MAGI3: variants seen among roughly 807,000 people sequenced by gnomAD.
MAGI3 encodes the protein membrane-associated guanylate kinase, WW and PDZ domain-containing protein 3.
In MAGI3, 43 loss-of-function variants were observed where a neutral mutation model predicts 121.8. The ratio of observed to expected loss-of-function variants is 0.35; its 90% CI spans 0.28 to 0.46. MAGI3 has a LOEUF of 0.46. Ranked by LOEUF, MAGI3 falls within the 20% of genes least tolerant of loss-of-function variation. The pLI is 1.00. For synonymous variants in MAGI3, 553 were observed against 639.3 expected, an observed-to-expected ratio of 0.86 and a Z score of 2.04; for missense variants, 1,547 against 1,797.3, an observed-to-expected ratio of 0.86 and a Z score of 2.52.
At position 113,670,770 on chromosome 1, in the gene MAGI3, A is replaced by G. The variant is rs779437546; in HGVS notation, c.2816-964A>G. Among the ~76,000 whole-genome samples the G allele has an allele frequency of 1.1e-3, 167 of 152,304 alleles. 2 individuals are homozygous for G. The highest frequency in any genetic ancestry group is 0.01 in the Middle Eastern group (3 of 294). On this transcript the variant is annotated intron_variant, in intron 16 of 20. Transcript: ENST00000307546. ...TACTATAACCCAGTGAGATAACTGT[A>G]TTTCCCCTTTTATAGGCAAGACAAT...
At position 113,574,311 on chromosome 1, in the gene MAGI3, T is replaced by A. The variant is rs548114779; in HGVS notation, c.434-6231T>A. 3.3e-5 allele frequency among the ~76,000 whole-genome samples: 5 copies of A among 152,336 alleles called. No individual in the cohort carries two copies. The South Asian group carries it at 8.3e-4, about 25-fold the overall frequency. ...GGTTGTTGGTCTTTATATTTTGGTA[T>A]GTCTTTGCAGTGGCTGGTACCAATT... On this transcript the variant is annotated intron_variant, in intron 2 of 20. Transcript: ENST00000307546.
At chr1:113,645,334 C>T (rs995983627) in intron 11 of MAGI3, among the ~76,000 whole-genome samples, 1 of 152,082 alleles carries the variant, frequency 6.6e-6, no homozygotes, top group Non-Finnish European at 1.5e-5. Context: ...AGCTTCTGCC[C>T]TTTTCATTGA....
At position 113,549,505 on chromosome 1, in the gene MAGI3, T is replaced by TTA; in HGVS notation, c.317-9_317-8insAT. 1 of 1,482,314 alleles carries TTA rather than the reference T, an allele frequency of 6.7e-7. No individual in the cohort carries two copies. The highest frequency in any genetic ancestry group is 9.2e-7 in the Non-Finnish European group (1 of 1,083,238). The allele number at this position is 1,482,314 out of a possible 1,614,324, so 91.8% of individuals were successfully genotyped here. On this transcript the variant is annotated splice_polypyrimidine_tract_variant and intron_variant, in intron 1 of 20. Transcript: ENST00000307546. Reference sequence around the variant, plus strand: ...TTATTTTCTGTTTTTTTTTTTTGTCTTTGCTCCAGGCAAAGTCATTAATAA... The same window carrying TTA: ...TTATTTTCTGTTTTTTTTTTTTGTCTTATTGCTCCAGGCAAAGTCATTAATAA...
chr1:113,619,649 A>G lies in MAGI3; in HGVS notation c.1077-87A>G. 4.5e-6 allele frequency: 4 copies of G among 884,734 alleles called. No individual in the cohort carries two copies. In the South Asian group the frequency reaches 4.6e-5, roughly 10 times the overall value. The allele number at this position is 884,734 out of a possible 1,614,324, so 54.8% of individuals were successfully genotyped here. A position where few individuals can be genotyped will look rare whatever the true frequency, so the allele number is the denominator to read the frequency against. The stretch of plus-strand genomic sequence containing the variant: ...AAGATACATATTTGTCCCCTAATCT[A>G]TGATGATGGAATGGTATGATAGACT... On this transcript the variant is annotated intron_variant, in intron 7 of 20. Transcript: ENST00000307546.
intron 3 of MAGI3, 186 bp downstream of exon 3, chr1:113,580,847 CA>C (rs201415307): frequency 4.9e-5 from 20 of 407,672 alleles, no homozygotes; most frequent in East Asian, 8.5e-5. Context: ...AAATAATAAG[CA>C]AAAAAAATCC....
intron 10 of MAGI3, among the ~76,000 whole-genome samples, chr1:113,643,360 G>A (rs770708819): frequency 1.3e-5 from 2 of 152,132 alleles, no homozygotes; most frequent in Non-Finnish European, 2.9e-5. Context: ...CTGAGTGATG[G>A]TGGAATGTGC....
chr1:113,448,684 G>T (rs1654304674), intron 1 of MAGI3, among the ~76,000 whole-genome samples: 1 of 151,734 alleles, frequency 6.6e-6, no homozygotes, highest in South Asian at 2.1e-4. Context: ...TAAGAGATGG[G>T]ATCTCACCAT....
intron 2 of MAGI3, among the ~76,000 whole-genome samples, chr1:113,564,117 C>T (rs1450872230): frequency 1.3e-5 from 2 of 152,202 alleles, no homozygotes; most frequent in South Asian, 2.1e-4. Context: ...TCTCTCTCTT[C>T]TCTGGATCTT....
intron 1 of MAGI3, among the ~76,000 whole-genome samples, chr1:113,449,097 C>T (rs1040159178): frequency 7.7e-6 from 1 of 129,152 alleles, no homozygotes; most frequent in African/African-American, 2.9e-5. Flanking sequence ...CCCTGGGCAA[C>T]AAGAGCAAAA....
chr1:113,471,656 G>A (rs1322189998), intron 1 of MAGI3, among the ~76,000 whole-genome samples: 2 of 152,028 alleles, frequency 1.3e-5, no homozygotes, highest in East Asian at 3.8e-4. Context: ...TCATTATCAA[G>A]TATTATTTAC....
At chr1:113,520,947 AGT>A (rs1658146504) in intron 1 of MAGI3, among the ~76,000 whole-genome samples, 2 of 152,014 alleles carry the variant, frequency 1.3e-5, no homozygotes, top group Admixed American at 1.3e-4. Context: ...TGCTAGAGAA[AGT>A]GAGAGAGGGC....
intron 1 of MAGI3, among the ~76,000 whole-genome samples, chr1:113,506,342 G>A (rs193124701): frequency 6.6e-6 from 1 of 152,142 alleles, no homozygotes; most frequent in Non-Finnish European, 1.5e-5. Flanking sequence ...AAATTAAAAG[G>A]AGGTTAGTGG....
chr1:113,656,756 T>C (rs773123751), intron 15 of MAGI3, among the ~76,000 whole-genome samples: 4 of 152,180 alleles, frequency 2.6e-5, no homozygotes, highest in Non-Finnish European at 5.9e-5. Context: ...TATTTTCTGA[T>C]GACGTATGTC....
intron 7 of MAGI3, among the ~76,000 whole-genome samples, chr1:113,617,436 G>A (rs535224408): frequency 6.6e-6 from 1 of 152,140 alleles, no homozygotes; most frequent in Non-Finnish European, 1.5e-5. Context: ...GAAAAGGACA[G>A]TATTTTCACT....
chr1:113,448,573 C>G (rs1466445964), intron 1 of MAGI3, among the ~76,000 whole-genome samples: 3 of 152,186 alleles, frequency 2.0e-5, no homozygotes, highest in Admixed American at 1.3e-4. Flanking sequence ...GTTGCTGTGA[C>G]ATGCCTCCTC....
intron 1 of MAGI3, among the ~76,000 whole-genome samples, chr1:113,447,538 A>G (rs1654236957): frequency 4.6e-5 from 7 of 152,170 alleles, no homozygotes; most frequent in Admixed American, 4.6e-4. Flanking sequence ...CATAGCAATC[A>G]CAATAAAACT....
chr1:113,406,961 A>T (rs897844655), intron 1 of MAGI3, among the ~76,000 whole-genome samples: 2 of 152,172 alleles, frequency 1.3e-5, no homozygotes, highest in African/African-American at 4.8e-5. Context: ...CTCAGAGAGA[A>T]TTGTAAAACA....
intron 20 of MAGI3, 197 bp from the exon 21 acceptor site, chr1:113,682,700 C>A: frequency 1.0e-6 from 1 of 979,178 alleles, no homozygotes; most frequent in African/African-American, 1.7e-5. Flanking sequence ...ATAAACAACC[C>A]ATCCTTCATG....
chr1:113,616,222 G>T (rs1570945491), intron 7 of MAGI3, among the ~76,000 whole-genome samples: 1 of 152,268 alleles, frequency 6.6e-6, no homozygotes, highest in South Asian at 2.1e-4. Context: ...GCCTGAATTA[G>T]AAGCAACAGC....
Sources: allele counts gnomAD v4.1 joint callset (sites outside exome capture counted in the v4.1 genomes callset), GRCh38; gene constraint gnomAD v4.1.1; transcripts MANE v1.5; gene names NCBI Gene and HGNC (gene_info 2026-07-23, HGNC 2026-07-21).